PHF2: variants seen among roughly 807,000 people sequenced by gnomAD.
PHF2 encodes lysine-specific demethylase PHF2.
In PHF2, 27 loss-of-function variants were observed where a neutral mutation model predicts 120.5. The ratio of observed to expected loss-of-function variants is 0.22; its 90% confidence interval spans 0.17 to 0.31. PHF2 has a LOEUF of 0.31. Ranked by LOEUF, PHF2 falls within the 10% of genes least tolerant of loss-of-function variation. The pLI is 1.00. For synonymous variants in PHF2, 568 were observed against 592.5 expected (o/e 0.96, Z 0.60); for missense variants, 1,024 against 1,434.8 (o/e 0.71, Z 4.63).
chr9:93,634,626 C>A (rs1348123099), intron 2 of PHF2, among the ~76,000 whole-genome samples: 1 of 152,250 alleles, frequency 6.6e-6, no homozygotes, highest in Non-Finnish European at 1.5e-5. Context: ...CTGAACTGAG[C>A]CTTCTCTGTT....
chr9:93,667,389 C>G, intron 17 of PHF2, 149 bp downstream of exon 17: 1 of 838,176 alleles, frequency 1.2e-6, no homozygotes, highest in Non-Finnish European at 1.8e-6. Context: ...GGGCACACCT[C>G]AGATGTTGGA....
chr9:93,678,636 G>T lies in PHF2; in HGVS notation c.*960G>T, dbSNP rs1826966591. On this transcript the variant is annotated 3_prime_UTR_variant, in exon 22 of 22. Transcript: ENST00000359246. ...GGTGTGTCCACCATCGACACGGAGGGGCTGGATTTGTTTCTCAGGCAATCC... is the reference window on the plus strand; with the variant it reads ...GGTGTGTCCACCATCGACACGGAGGTGCTGGATTTGTTTCTCAGGCAATCC... 2 of 152,714 alleles carry T rather than the reference G, an allele frequency of 1.3e-5. No homozygotes were observed. Among genetic ancestry groups the T allele is most frequent in the African/African-American group, 4.8e-5 (2 of 41,442 alleles). The allele number at this position is 152,714 out of a possible 1,614,324, so 9.5% of individuals were successfully genotyped here.
chr9:93,613,123 G>T (rs1436630393), intron 1 of PHF2, among the ~76,000 whole-genome samples: 4 of 152,236 alleles, frequency 2.6e-5, no homozygotes, highest in African/African-American at 9.6e-5. Flanking sequence ...CTTGTCCAGG[G>T]TAAGTGACTT....
Position 93,655,279 on chromosome 9 carries a change from T to TTG in PHF2, c.953-654_953-653insGT, listed in dbSNP as rs1349165674. Among the ~76,000 whole-genome samples, 3 of 151,506 alleles carry TTG rather than the reference T, an allele frequency of 2.0e-5. No individual in the cohort carries two copies. In the East Asian group the frequency reaches 5.8e-4, roughly 29 times the overall value. ...TTTAAATCGTTTTATAGGGTTGGTTTTTTTTTTTTTTCATTTTAAATAAGT... is the reference window on the plus strand; with the variant it reads ...TTTAAATCGTTTTATAGGGTTGGTTTTGTTTTTTTTTTTCATTTTAAATAAGT... On this transcript the variant is annotated intron_variant, in intron 7 of 21. Transcript: ENST00000359246.
intron 20 of PHF2, 98 bp from the exon 21 acceptor site, chr9:93,676,492 GCTGT>G: frequency 7.1e-7 from 1 of 1,409,566 alleles, no homozygotes; most frequent in South Asian, 1.4e-5. Context: ...GCCCAGCCCT[GCTGT>G]GCTCAAGGGC....
intron 1 of PHF2, among the ~76,000 whole-genome samples, 187 bp downstream of exon 1, chr9:93,577,058 G>A (rs1007496895): frequency 6.8e-6 from 1 of 146,602 alleles, no homozygotes; most frequent in African/African-American, 2.5e-5. Context: ...TGTGCCCAGG[G>A]CGGGGGCGCC....
At chr9:93,615,187 GCGATGGTGATGA>G (rs1825707534) in intron 1 of PHF2, among the ~76,000 whole-genome samples, 1 of 91,774 alleles carries the variant, frequency 1.1e-5, no homozygotes, top group Non-Finnish European at 2.5e-5. Context: ...AATGGTGATG[GCGATGGTGATGA>G]TGATGGTGAT....
intron 19 of PHF2, among the ~76,000 whole-genome samples, chr9:93,675,305 T>G (rs1159717242): frequency 2.0e-5 from 3 of 152,250 alleles, no homozygotes; most frequent in Non-Finnish European, 2.9e-5. Context: ...GGTTTCTTCC[T>G]CAATGGGCAG....
intron 1 of PHF2, among the ~76,000 whole-genome samples, chr9:93,585,440 A>G (rs996804462): frequency 2.0e-5 from 3 of 152,232 alleles, no homozygotes; most frequent in Non-Finnish European, 4.4e-5. Flanking sequence ...AAGCACAGTT[A>G]TGGAGCAGTG....
intron 1 of PHF2, among the ~76,000 whole-genome samples, chr9:93,589,866 TGC>T (rs1863136742): frequency 6.6e-6 from 1 of 152,100 alleles, no homozygotes; most frequent in Non-Finnish European, 1.5e-5. Flanking sequence ...CAAACAGCAG[TGC>T]GCTGTGAATG....
intron 1 of PHF2, 53 bp downstream of exon 1, chr9:93,576,924 C>T: frequency 1.2e-6 from 1 of 804,702 alleles, no homozygotes; most frequent in Non-Finnish European, 1.5e-6. Context: ...GCCACCTTGC[C>T]CGACCGAGCC....
intron 3 of PHF2, among the ~76,000 whole-genome samples, chr9:93,638,811 C>T (rs977680960): frequency 9.9e-5 from 15 of 152,278 alleles, no homozygotes; most frequent in South Asian, 2.1e-4. Flanking sequence ...CTCCACCTCC[C>T]GGGTTCAAGT....
chr9:93,639,811 G>C (rs1264918252), intron 3 of PHF2, among the ~76,000 whole-genome samples: 1 of 152,208 alleles, frequency 6.6e-6, no homozygotes, highest in Admixed American at 6.5e-5. Flanking sequence ...GCTCTCCCAA[G>C]AAGAAAGCTC....
chr9:93,643,198 GT>G (rs1336311321), intron 3 of PHF2, among the ~76,000 whole-genome samples: 5 of 152,114 alleles, frequency 3.3e-5, no homozygotes, highest in African/African-American at 1.2e-4. Context: ...CTACAAGACG[GT>G]TTGTGTTTGC....
Position 93,584,150 on chromosome 9 carries a change from T to C in PHF2, c.98+7279T>C, listed in dbSNP as rs1323841772. On this transcript the variant is annotated intron_variant, in intron 1 of 21. Transcript: ENST00000359246. ...GCCTAAGTGCTGTATCCTTATCAGATACATGAGTTGCAAATACATTTTTCC... is the reference window on the plus strand; with the variant it reads ...GCCTAAGTGCTGTATCCTTATCAGACACATGAGTTGCAAATACATTTTTCC... Among the ~76,000 whole-genome samples, 3 of 152,348 alleles carry C rather than the reference T, an allele frequency of 2.0e-5. No homozygotes were observed. In the East Asian group the frequency reaches 5.8e-4, roughly 29 times the overall value.
chr9:93,611,244 C>G (rs1332522951), intron 1 of PHF2, among the ~76,000 whole-genome samples: 1 of 151,900 alleles, frequency 6.6e-6, no homozygotes, highest in Non-Finnish European at 1.5e-5. Flanking sequence ...GGTGAAACCC[C>G]ATATCTACTA....
At chr9:93,604,423 T>C (rs1393754510) in intron 1 of PHF2, among the ~76,000 whole-genome samples, 2 of 151,456 alleles carry the variant, frequency 1.3e-5, no homozygotes, top group Non-Finnish European at 2.9e-5. Flanking sequence ...AGCAGCATGG[T>C]TCATGATCTC....
Position 93,678,860 on chromosome 9 carries a change from C to A in PHF2, c.*1184C>A, listed in dbSNP as rs1826970426. 6.4e-6 allele frequency: 1 copy of A among 157,258 alleles called. No homozygotes were observed. Among genetic ancestry groups the A allele is most frequent in the African/African-American group, 2.4e-5 (1 of 41,312 alleles). The allele number at this position is 157,258 out of a possible 1,614,324, so 9.7% of individuals were successfully genotyped here. On this transcript the variant is annotated 3_prime_UTR_variant, in exon 22 of 22. Transcript: ENST00000359246. ...TGGGTTCTGATGCTTTTTCCTTCTC[C>A]TTTCCTTTTATTATTATTATTTTTT...
chr9:93,647,038 G>T (rs1169728979), intron 4 of PHF2, among the ~76,000 whole-genome samples: 3 of 152,188 alleles, frequency 2.0e-5, no homozygotes, highest in Non-Finnish European at 2.9e-5. Context: ...TTTACCGCAG[G>T]TTTGCCTGAG....
Sources: gnomAD v4.1 joint callset for allele counts (sites outside exome capture counted in the v4.1 genomes callset) on GRCh38, gnomAD v4.1.1 for gene constraint, MANE v1.5 for transcripts, NCBI Gene and HGNC (gene_info 2026-07-23, HGNC 2026-07-21) for gene names.